The following UBXN7 variants were observed in gnomAD, a reference collection of about 807,000 sequenced individuals.
UBXN7 encodes the protein UBX domain protein 7, also known as UBX domain-containing protein 7.
UBXN7 carries 9 observed loss-of-function variants against 58.0 expected under a neutral mutation model. The ratio of observed to expected loss-of-function variants is 0.16; its 90% CI spans 0.09 to 0.27. The LOEUF (loss-of-function observed/expected upper bound fraction) is 0.27, where lower values mean the gene tolerates loss of function less well. Ranked by LOEUF, UBXN7 falls within the 10% of genes least tolerant of loss-of-function variation. The probability of loss-of-function intolerance (pLI) is 1.00; values close to 1 mark genes in which losing one functional copy is unlikely to be tolerated. For synonymous variants in UBXN7, 208 were observed against 205.0 expected (o/e 1.01, Z -0.12); for missense variants, 328 against 599.6 (o/e 0.55, Z 4.73).
chr3:196,400,853 T>G (rs913130159), intron 3 of UBXN7: 10 of 182,882 alleles, frequency 5.5e-5, no homozygotes, highest in Non-Finnish European at 1.2e-4. Flanking sequence ...GACGCTGTAT[T>G]ATTCCTTGCA....
intron 5 of UBXN7, among the ~76,000 whole-genome samples, chr3:196,385,616 C>T (rs1729357113): frequency 6.6e-6 from 1 of 152,096 alleles, no homozygotes; most frequent in Non-Finnish European, 1.5e-5. Flanking sequence ...TGCCCCGCCG[C>T]CACCCACTCT....
intron 8 of UBXN7, among the ~76,000 whole-genome samples, chr3:196,365,732 A>C (rs1192846698): frequency 2.0e-5 from 3 of 152,224 alleles, no homozygotes; most frequent in Non-Finnish European, 2.9e-5. Context: ...ATATAGTAAA[A>C]TGAACAAATC....
At chr3:196,415,148 T>C (rs2108620652) in intron 1 of UBXN7, among the ~76,000 whole-genome samples, 1 of 149,292 alleles carries the variant, frequency 6.7e-6, no homozygotes, top group African/African-American at 2.4e-5. Context: ...TGTATTATCA[T>C]ACTTCTTTTT....
intron 3 of UBXN7, among the ~76,000 whole-genome samples, chr3:196,401,840 G>GAGAAGAGAAA (rs1367847998): frequency 1.3e-5 from 2 of 149,014 alleles, no homozygotes; most frequent in African/African-American, 4.9e-5. Flanking sequence ...GAGAAGAGAA[G>GAGAAGAGAAA]AGAAGAGAAG....
At chr3:196,403,165 G>A (rs190827480) in intron 2 of UBXN7, 146 bp from the exon 3 acceptor site, 2 of 815,284 alleles carry the variant, frequency 2.5e-6, no homozygotes, top group Non-Finnish European at 3.7e-6. Context: ...TATTTTTTTG[G>A]GGGGGCGGTG....
intron 5 of UBXN7, among the ~76,000 whole-genome samples, chr3:196,372,326 CCTTT>C (rs1303704521): frequency 5.4e-4 from 77 of 143,234 alleles, no homozygotes; most frequent in Admixed American, 9.2e-4. Flanking sequence ...CTCTCTCTCT[CCTTT>C]CTTTCTTTCT....
rs923352022 is a variant in UBXN7 at position 196,353,077 on chromosome 3, A to G, written c.*3608T>C. On this transcript the variant is annotated 3_prime_UTR_variant, in exon 11 of 11. Transcript: ENST00000296328. ...GTATAGGCATAGTGCAAATCCCACA[A>G]CTTTAACCCAACTACTTCCTCTATA... The G allele has an allele frequency of 1.3e-5, 2 of 152,196 alleles. No individual in the cohort carries two copies. The allele number at this position is 152,196 out of a possible 1,614,324, so 9.4% of individuals were successfully genotyped here.
chr3:196,389,428 CT>C (rs1289049401), intron 5 of UBXN7, among the ~76,000 whole-genome samples: 1 of 152,218 alleles, frequency 6.6e-6, no homozygotes, highest in African/African-American at 2.4e-5. Context: ...AGCCAAACCA[CT>C]TTCAAGGTTT....
At chr3:196,390,162 T>C (rs968972574) in intron 5 of UBXN7, among the ~76,000 whole-genome samples, 1 of 151,876 alleles carries the variant, frequency 6.6e-6, no homozygotes, top group Non-Finnish European at 1.5e-5. Flanking sequence ...GAGGCTGCAG[T>C]GAGCCATGAT....
At chr3:196,411,008 C>A (rs1180415204) in intron 1 of UBXN7, among the ~76,000 whole-genome samples, 2 of 152,162 alleles carry the variant, frequency 1.3e-5, no homozygotes, top group African/African-American at 4.8e-5. Context: ...CCCTTATCCT[C>A]CCCATCGTCC....
At chr3:196,397,515 G>A (rs1005398497) in intron 3 of UBXN7, 30 of 152,320 alleles carry the variant, frequency 2.0e-4, no homozygotes, top group African/African-American at 7.0e-4. Flanking sequence ...TTAAAAGATG[G>A]GGGTCTCACT....
In UBXN7 at chr3:196,351,875, C is replaced by T. The variant is rs9848247; in HGVS notation, c.*4810G>A. On this transcript the variant is annotated 3_prime_UTR_variant, in exon 11 of 11. Coordinates refer to ENST00000296328, the MANE Select transcript of UBXN7 (RefSeq NM_015562.2). The stretch of plus-strand genomic sequence containing the variant: ...CTAGTGGCTCCCTCTGGTATTTTCC[C>T]TAAGTGTGCAAGTAAGATTCCTGCG... 77,116 of 151,976 alleles carry T rather than the reference C, an allele frequency of 0.51. 20,150 individuals carry two copies. Among genetic ancestry groups the T allele is most frequent in the East Asian group, 0.88 (4,535 of 5,180 alleles). The allele number at this position is 151,976 out of a possible 1,614,324, so 9.4% of individuals were successfully genotyped here. A position where few individuals can be genotyped will look rare whatever the true frequency, so the allele number is the denominator to read the frequency against.
intron 2 of UBXN7, among the ~76,000 whole-genome samples, chr3:196,405,561 AGT>A (rs150829704): frequency 3.6e-4 from 54 of 150,516 alleles, no homozygotes; most frequent in South Asian, 6.3e-4. Context: ...CTCGCTTTAC[AGT>A]GTGTGTGTGT....
intron 5 of UBXN7, among the ~76,000 whole-genome samples, chr3:196,385,175 G>A (rs1003349152): frequency 2.0e-5 from 3 of 152,290 alleles, no homozygotes; most frequent in African/African-American, 4.8e-5. Flanking sequence ...ACTGGTTTTC[G>A]TATTTTTTGG....
At chr3:196,398,076 T>C (rs922874659) in intron 3 of UBXN7, among the ~76,000 whole-genome samples, 1 of 152,202 alleles carries the variant, frequency 6.6e-6, no homozygotes, top group Non-Finnish European at 1.5e-5. Context: ...CAGATTACGT[T>C]ACAAAAAGAC....
At chr3:196,402,700 T>C (rs1730030119) in intron 3 of UBXN7, among the ~76,000 whole-genome samples, 1 of 152,242 alleles carries the variant, frequency 6.6e-6, no homozygotes, top group Non-Finnish European at 1.5e-5. Context: ...TCATTATTCA[T>C]TCCCATTACA....
chr3:196,372,418 T>G (rs1209526622), intron 5 of UBXN7, among the ~76,000 whole-genome samples: 1 of 149,524 alleles, frequency 6.7e-6, no homozygotes, highest in Non-Finnish European at 1.5e-5. Flanking sequence ...CTCGGCTCAC[T>G]GCAACCTCCA....
At chr3:196,412,963 A>C (rs1164928681) in intron 1 of UBXN7, among the ~76,000 whole-genome samples, 2 of 152,176 alleles carry the variant, frequency 1.3e-5, no homozygotes, top group Non-Finnish European at 2.9e-5. Flanking sequence ...TTTCAGTTTT[A>C]CAAAACAAAG....
intron 6 of UBXN7, among the ~76,000 whole-genome samples, chr3:196,371,076 A>G (rs1728819711): frequency 6.6e-6 from 1 of 152,174 alleles, no homozygotes; most frequent in Non-Finnish European, 1.5e-5. Flanking sequence ...TTAGCTGGGA[A>G]GACTAAAGTG....
Sources: allele counts gnomAD v4.1 joint callset (sites outside exome capture counted in the v4.1 genomes callset), GRCh38; gene constraint gnomAD v4.1.1; transcripts MANE v1.5; gene names NCBI Gene and HGNC (gene_info 2026-07-23, HGNC 2026-07-21).